PTPRZ1: variants seen among roughly 807,000 people sequenced by gnomAD.
PTPRZ1 encodes the protein protein tyrosine phosphatase receptor type Z1.
A neutral mutation model predicts 214.1 loss-of-function variants in PTPRZ1; 82 were observed. That is an observed-to-expected ratio of 0.38 (90% CI 0.32 to 0.46). PTPRZ1 has a LOEUF of 0.46. Among genes scored for constraint, PTPRZ1 ranks in the 20% least tolerant of loss-of-function variants. The probability of loss-of-function intolerance (pLI) is 1.00; values close to 1 mark genes in which losing one functional copy is unlikely to be tolerated. For synonymous variants in PTPRZ1, 945 were observed against 987.9 expected, an observed-to-expected ratio of 0.96 and a Z score of 0.81; for missense variants, 2,603 against 2,748.7, an observed-to-expected ratio of 0.95 and a Z score of 1.19.
At chr7:122,034,503 A>T in intron 17 of PTPRZ1, 125 bp downstream of exon 17, 1 of 717,032 alleles carries the variant, frequency 1.4e-6, no homozygotes, top group Non-Finnish European at 2.4e-6. Flanking sequence ...TTATCAGGGA[A>T]TAATAAGACT....
intron 1 of PTPRZ1, among the ~76,000 whole-genome samples, chr7:121,926,211 A>AGAAGAATCGAAGAATC (rs143326765): frequency 6.6e-6 from 1 of 151,368 alleles, no homozygotes; most frequent in Non-Finnish European, 1.5e-5. Flanking sequence ...AGGCTGAGGC[A>AGAAGAATCGAAGAATC]GAAGAATCGC....
chr7:121,971,673 A>G (rs916854181), intron 3 of PTPRZ1, among the ~76,000 whole-genome samples: 19 of 152,184 alleles, frequency 1.2e-4, no homozygotes, highest in Admixed American at 1.1e-3. Flanking sequence ...AGTAACTAGT[A>G]TAGTTCATGG....
In PTPRZ1 at chr7:122,054,948, A is replaced by G; in HGVS notation, c.6389A>G (p.Asp2130Gly). ...MIPDGQNMAE[D>G]EFVYWPNKDE... ...TCATTTGCAATTCTGCAGGCAGAAG[A>G]TGAATTTGTTTACTGGCCAAATAAA... is the stretch of plus-strand genomic sequence containing the variant. Residue 2130 changes from aspartate (D) to glycine (G), a missense_variant, in exon 27 of 30, where the codon GAT (aspartate) becomes GGT (glycine). By Grantham distance (94) the Asp-to-Gly change is moderately conservative. Around this residue, in one of 6 missense-constraint regions of PTPRZ1, gnomAD observed 134 missense variants for 183.3 expected, o/e 0.73. Coordinates refer to ENST00000393386, the MANE Select transcript of PTPRZ1 (RefSeq NM_002851.3). 1 of 1,596,336 alleles carries G rather than the reference A, an allele frequency of 6.3e-7. No homozygotes were observed. Among genetic ancestry groups the G allele is most frequent in the Non-Finnish European group, 8.5e-7 (1 of 1,173,230 alleles).
intron 1 of PTPRZ1, among the ~76,000 whole-genome samples, chr7:121,880,716 C>T (rs1170948559): frequency 3.3e-5 from 5 of 152,108 alleles, no homozygotes; most frequent in Non-Finnish European, 5.9e-5. Context: ...TTTAGATTTT[C>T]TAATGGTTTT....
At chr7:121,978,747 A>G (rs1381090410) in intron 6 of PTPRZ1, among the ~76,000 whole-genome samples, 2 of 152,100 alleles carry the variant, frequency 1.3e-5, no homozygotes. Context: ...AAAAACCAAA[A>G]TCCTTCATGC....
At chr7:121,909,046 A>G (rs1408286074) in intron 1 of PTPRZ1, 1 of 473,094 alleles carries the variant, frequency 2.1e-6, no homozygotes, top group African/African-American at 2.0e-5. Flanking sequence ...TTTGGAATCA[A>G]TTTGCTTGCT....
intron 2 of PTPRZ1, among the ~76,000 whole-genome samples, chr7:121,961,699 A>T (rs1249644733): frequency 1.3e-5 from 2 of 152,208 alleles, no homozygotes; most frequent in Non-Finnish European, 2.9e-5. Context: ...CACAAAGTCT[A>T]TTTCACAAGC....
intron 1 of PTPRZ1, among the ~76,000 whole-genome samples, chr7:121,905,706 A>G (rs1584623545): frequency 7.4e-6 from 1 of 135,850 alleles, no homozygotes; most frequent in South Asian, 2.4e-4. Context: ...TTTAAAGGTG[A>G]AAGAAAAAGA....
Position 122,040,998 on chromosome 7 carries a change from C to A in PTPRZ1, c.5801+19C>A. The A allele has an allele frequency of 1.4e-6, 2 of 1,473,684 alleles. No homozygotes were observed. Among genetic ancestry groups the A allele is most frequent in the South Asian group, 1.4e-5 (1 of 69,248 alleles). The allele number at this position is 1,473,684 out of a possible 1,614,324, so 91.3% of individuals were successfully genotyped here. ...ACTGCAGGTGAGTCTCAGAGATGTGCCTCTAAACCCATAGAATTGCTTATA... is the reference window on the plus strand; with the variant it reads ...ACTGCAGGTGAGTCTCAGAGATGTGACTCTAAACCCATAGAATTGCTTATA... On this transcript the variant is annotated intron_variant, in intron 21 of 29. Transcript: ENST00000393386.
intron 15 of PTPRZ1, among the ~76,000 whole-genome samples, chr7:122,032,722 G>A (rs968924794): frequency 1.3e-5 from 2 of 152,060 alleles, no homozygotes; most frequent in African/African-American, 4.8e-5. Context: ...AAGAAAGAGA[G>A]GTATGATATG....
chr7:121,965,137 C>T (rs1462159470), intron 2 of PTPRZ1, among the ~76,000 whole-genome samples: 1 of 152,146 alleles, frequency 6.6e-6, no homozygotes, highest in African/African-American at 2.4e-5. Flanking sequence ...AAATTTACCA[C>T]CTTATAATAC....
intron 1 of PTPRZ1, among the ~76,000 whole-genome samples, chr7:121,921,099 G>A (rs1795584634): frequency 6.6e-6 from 1 of 151,902 alleles, no homozygotes; most frequent in Non-Finnish European, 1.5e-5. Flanking sequence ...ATTTGAAATA[G>A]GCATGCATTA....
chr7:122,061,026 A>G, intron 29 of PTPRZ1, 54 bp from the exon 30 acceptor site: 1 of 1,494,318 alleles, frequency 6.7e-7, no homozygotes, highest in Non-Finnish European at 9.1e-7. Flanking sequence ...CTTTTTACAA[A>G]TGTATGTCTT....
chr7:122,017,610 G>A (rs1485430062), intron 12 of PTPRZ1, among the ~76,000 whole-genome samples: 8 of 151,550 alleles, frequency 5.3e-5, no homozygotes, highest in Admixed American at 3.3e-4. Context: ...TGCCCAGGCT[G>A]TAGTGCAGTG....
chr7:121,952,261 G>GTT (rs201736692), intron 2 of PTPRZ1, among the ~76,000 whole-genome samples: 20 of 17,690 alleles, frequency 1.1e-3, no homozygotes, highest in Non-Finnish European at 3.5e-3. Context: ...CCCGGTGAGT[G>GTT]TTTTTTTTTT....
At chr7:121,910,550 A>G (rs1475823603) in intron 1 of PTPRZ1, among the ~76,000 whole-genome samples, 3 of 152,118 alleles carry the variant, frequency 2.0e-5, no homozygotes, top group Non-Finnish European at 4.4e-5. Flanking sequence ...TCAGTATTTC[A>G]GTAAGCTATT....
chr7:122,057,948 G>T (rs1277604464), intron 27 of PTPRZ1, among the ~76,000 whole-genome samples: 1 of 143,148 alleles, frequency 7.0e-6, no homozygotes, highest in East Asian at 2.0e-4. Context: ...CATTCATATA[G>T]TGTGTGTGTG....
intron 1 of PTPRZ1, among the ~76,000 whole-genome samples, chr7:121,875,043 G>GAAA (rs10562894): frequency 6.8e-6 from 1 of 147,136 alleles, no homozygotes. Context: ...GGATCTCTTT[G>GAAA]AAAAAAAAAA....
chr7:121,927,191 C>T (rs1584646791), intron 1 of PTPRZ1, among the ~76,000 whole-genome samples: 1 of 152,206 alleles, frequency 6.6e-6, no homozygotes, highest in African/African-American at 2.4e-5. Flanking sequence ...TAATGTTCTA[C>T]AAGTACATTT....
Sources: gnomAD v4.1 joint callset for allele counts (sites outside exome capture counted in the v4.1 genomes callset) on GRCh38, gnomAD v4.1.1 for gene constraint, gnomAD v4.1.1 regional missense constraint, MANE v1.5 for transcripts, NCBI Gene and HGNC (gene_info 2026-07-23, HGNC 2026-07-21) for gene names.